The following PRDM15 variants were observed in gnomAD, a reference collection of about 807,000 sequenced individuals.
PRDM15 encodes the protein PR domain zinc finger protein 15.
PRDM15 carries 64 observed loss-of-function variants against 128.6 expected under a neutral mutation model. That is an observed-to-expected ratio of 0.50 (90% CI 0.41 to 0.61). PRDM15 has a LOEUF of 0.61. Among genes scored for constraint, PRDM15 ranks in the 20% least tolerant of loss-of-function variants. The pLI is 0.00. For missense variants in PRDM15, 1,242 were observed against 1,569.1 expected (o/e 0.79, Z 3.52); for synonymous variants, 615 against 621.8 (o/e 0.99, Z 0.16).
rs1171338272 is a variant in PRDM15, at chr21:41,829,128, C to A, written c.1367-795G>T. 1.5e-4 allele frequency among the ~76,000 whole-genome samples: 23 copies of A among 149,492 alleles called. 2 individuals carry two copies. Among genetic ancestry groups the A allele is most frequent in the Admixed American group, 6.7e-5 (1 of 15,018 alleles). ...AATCACACACACCACACTCAACATA[C>A]CACACACACATGCCCCACACAAATA... On this transcript the variant is annotated intron_variant, in intron 11 of 23. Transcript: ENST00000398548.
At chr21:41,830,255 A>AC (rs1169021993) in intron 11 of PRDM15, among the ~76,000 whole-genome samples, 9 of 149,692 alleles carry the variant, frequency 6.0e-5, no homozygotes, top group Non-Finnish European at 1.2e-4. Context: ...CCACACACAC[A>AC]CCCCCCACAC....
intron 11 of PRDM15, among the ~76,000 whole-genome samples, chr21:41,831,345 C>G (rs2062683789): frequency 6.6e-6 from 1 of 152,218 alleles, no homozygotes; most frequent in African/African-American, 2.4e-5. Context: ...TGAGCAGATA[C>G]CGGGCTTCCA....
intron 6 of PRDM15, among the ~76,000 whole-genome samples, chr21:41,846,546 A>T (rs1393832046): frequency 6.6e-6 from 1 of 152,168 alleles, no homozygotes; most frequent in Admixed American, 6.5e-5. Flanking sequence ...AATATACAGA[A>T]GTTTGCTGGG....
intron 10 of PRDM15, 150 bp downstream of exon 10, chr21:41,835,963 G>T: frequency 8.6e-6 from 1 of 115,680 alleles, no homozygotes; most frequent in South Asian, 8.3e-5. Flanking sequence ...CTCCCCCACA[G>T]CCCCCGCCCA....
chr21:41,839,568 G>A, intron 7 of PRDM15, 55 bp downstream of exon 7: 5 of 1,525,894 alleles, frequency 3.3e-6, no homozygotes, highest in Non-Finnish European at 1.8e-6. Context: ...CAGCCCTCGG[G>A]CGCCAGGAGG....
chr21:41,850,313 A>C (rs8130875), intron 5 of PRDM15, among the ~76,000 whole-genome samples: 18,599 of 141,866 alleles, frequency 0.13, 1,610 homozygotes, highest in African/African-American at 0.22. Flanking sequence ...GTGCCCCCCC[A>C]ACACTCTCCT....
intron 1 of PRDM15, among the ~76,000 whole-genome samples, chr21:41,865,993 C>T (rs1021098020): frequency 2.6e-5 from 4 of 152,174 alleles, no homozygotes; most frequent in Admixed American, 2.0e-4. Flanking sequence ...AATCCTCCTG[C>T]TTCAGCCTCC....
In PRDM15 at chr21:41,835,442, C is replaced by A; in HGVS notation, c.1361G>T (p.Arg454Met). 6.2e-7 allele frequency: 1 copy of A among 1,608,354 alleles called. No individual in the cohort carries two copies. Residue 454 changes from arginine (R) to methionine (M), a missense_variant, in exon 11 of 24, where the codon AGG (arginine) becomes ATG (methionine). Physicochemically the swap from Arg to Met is moderately conservative, Grantham distance 91. Transcript: ENST00000398548. ...GACGTGACCGGCGCCCTCACCTGTC[C>A]TGCAGTTGTGGAACTCCAGCGCGCT... ...IESALEFHNC[R>M]TDDKTFQCEM...
chr21:41,869,013 G>T lies in PRDM15; in HGVS notation c.-9-8641C>A, dbSNP rs115061205. Among the ~76,000 whole-genome samples, 294 of 152,174 alleles carry T rather than the reference G, an allele frequency of 1.9e-3. 3 individuals are homozygous for T. Among genetic ancestry groups the T allele is most frequent in the African/African-American group, 6.5e-3 (269 of 41,530 alleles). On this transcript the variant is annotated intron_variant, in intron 1 of 23. Transcript: ENST00000398548. ...CTCTTGCCCGTTTTCTAGTTGGACT[G>T]ACAGGGTTATTTTACGGTTGTGCTT...
At chr21:41,830,257 C>T (rs979601735) in intron 11 of PRDM15, among the ~76,000 whole-genome samples, 1 of 147,200 alleles carries the variant, frequency 6.8e-6, no homozygotes, top group African/African-American at 2.5e-5. Flanking sequence ...ACACACACAC[C>T]CCCCACACAA....
At position 41,801,045 on chromosome 21, in the gene PRDM15, G is replaced by A; in HGVS notation, c.*195C>T. ...CCCATCCAGTTTAAAACTCTGGCCT[G>A]CCAGAGGTCCCTTCTAGAGTTAAGC... On this transcript the variant is annotated 3_prime_UTR_variant, in exon 24 of 24. Transcript: ENST00000398548. 2.8e-6 allele frequency: 2 copies of A among 722,818 alleles called. No individual in the cohort carries two copies. The highest frequency in any genetic ancestry group is 1.8e-5 in the African/African-American group (1 of 56,566). 44.8% of individuals were successfully genotyped at this position (722,818 alleles called of 1,614,324 possible).
At chr21:41,803,382 G>C (rs1268092167) in intron 22 of PRDM15, among the ~76,000 whole-genome samples, 1 of 152,158 alleles carries the variant, frequency 6.6e-6, no homozygotes, top group Non-Finnish European at 1.5e-5. Context: ...AGGGAACGAG[G>C]GCCCAGCTGC....
At chr21:41,867,007 T>C (rs1375233890) in intron 1 of PRDM15, among the ~76,000 whole-genome samples, 5 of 152,096 alleles carry the variant, frequency 3.3e-5, no homozygotes, top group African/African-American at 1.2e-4. Flanking sequence ...ACCAGATGGG[T>C]GGATGGGTTC....
At chr21:41,836,438 C>G in intron 9 of PRDM15, 30 bp downstream of exon 9, 2 of 1,591,284 alleles carry the variant, frequency 1.3e-6, no homozygotes, top group Non-Finnish European at 1.7e-6. Flanking sequence ...GGCCCTGGCC[C>G]CGGGCGCCAG....
chr21:41,803,311 G>A (rs1328411989), intron 22 of PRDM15, among the ~76,000 whole-genome samples: 5 of 152,144 alleles, frequency 3.3e-5, no homozygotes, highest in Admixed American at 1.3e-4. Flanking sequence ...GGGCTGAGAC[G>A]AATCCACCAT....
intron 18 of PRDM15, among the ~76,000 whole-genome samples, chr21:41,818,523 C>T (rs1434384379): frequency 1.3e-5 from 2 of 152,162 alleles, no homozygotes; most frequent in Non-Finnish European, 2.9e-5. Context: ...AGAGCCTGTG[C>T]TGGCCTCTGA....
rs544922838 is a variant in PRDM15 at position 41,821,327 on chromosome 21, C to T, written c.1897-97G>A. On this transcript the variant is annotated intron_variant, in intron 15 of 23. Coordinates refer to ENST00000398548, the MANE Select transcript of PRDM15 (RefSeq NM_001040424.3). The surrounding 1 kb of genome is among the most constrained non-coding windows in gnomAD (Gnocchi z 5.4). Reference sequence around the variant, plus strand: ...TGTCCACAAACCAGGGCACCCGACACGCCCTGAGAGCCCATGACTCATGCC... The same window carrying T: ...TGTCCACAAACCAGGGCACCCGACATGCCCTGAGAGCCCATGACTCATGCC... The T allele has an allele frequency of 7.9e-5, 110 of 1,397,494 alleles. No individual in the cohort carries two copies. Among genetic ancestry groups the T allele is most frequent in the Middle Eastern group, 4.9e-4 (2 of 4,056 alleles). 86.6% of individuals were successfully genotyped at this position (1,397,494 alleles called of 1,614,324 possible). A position where few individuals can be genotyped will look rare whatever the true frequency, so the allele number is the denominator to read the frequency against.
intron 11 of PRDM15, among the ~76,000 whole-genome samples, chr21:41,833,069 G>GGGAGAGGGGTGCAGGGCACCTGGGGAT (rs2062750677): frequency 1.3e-5 from 2 of 152,228 alleles, no homozygotes; most frequent in African/African-American, 2.4e-5. Context: ...GTCTGACGAA[G>GGGAGAGGGGTGCAGGGCACCTGGGGAT]GGAGAGGGGT....
intron 11 of PRDM15, chr21:41,834,610 GC>G: frequency 6.7e-7 from 1 of 1,487,640 alleles, no homozygotes. Context: ...ACCCCTCTGT[GC>G]CCCGCTGGGG....
Sources: allele counts gnomAD v4.1 joint callset (sites outside exome capture counted in the v4.1 genomes callset), GRCh38; gene constraint gnomAD v4.1.1; non-coding constraint Gnocchi (gnomAD v3.1); transcripts MANE v1.5; gene names NCBI Gene and HGNC (gene_info 2026-07-23, HGNC 2026-07-21).